Variants in PTH1R observed in about 807,000 individuals in gnomAD.
PTH1R encodes parathyroid hormone 1 receptor.
A neutral mutation model predicts 70.7 loss-of-function variants in PTH1R; 32 were observed. That is an observed-to-expected ratio of 0.45 (90% CI 0.34 to 0.61). PTH1R has a LOEUF of 0.61. PTH1R is among the 20% of genes least tolerant of loss of function. The pLI is 0.01. For synonymous variants in PTH1R, 329 were observed against 324.8 expected (o/e 1.01, Z -0.14); for missense variants, 626 against 792.5 (o/e 0.79, Z 2.52).
Position 46,903,313 on chromosome 3 carries a change from C to T in PTH1R, c.1439C>T (p.Ala480Val). 2 of 1,613,550 alleles carry T rather than the reference C, an allele frequency of 1.2e-6. No individual in the cohort carries two copies. The highest frequency in any genetic ancestry group is 1.7e-6 in the Non-Finnish European group (2 of 1,180,030). The change falls in exon 16 of 16, where the codon GCA (alanine) becomes GTA (valine). Residue 480 changes from alanine (A) to valine (V), a missense_variant. Coordinates refer to ENST00000449590, the MANE Select transcript of PTH1R (RefSeq NM_000316.3). The surrounding 1 kb of genome is among the most constrained non-coding windows in gnomAD (Gnocchi z 4.4). ...IKKSWSRWTL[A>V]LDFKRKARSG... is the part of the protein sequence containing the mutation. ...AAATCTTGGAGCCGCTGGACACTGG[C>T]ACTGGACTTCAAGCGAAAGGCACGC...
chr3:46,901,348 G>C lies in PTH1R; in HGVS notation c.1050-66G>C. 1 of 1,538,228 alleles carries C rather than the reference G, an allele frequency of 6.5e-7. No individual in the cohort carries two copies. The highest frequency in any genetic ancestry group is 2.0e-5 in the Admixed American group (1 of 51,000). On this transcript the variant is annotated intron_variant, in intron 11 of 15. Transcript: ENST00000449590. This position sits in a 1 kb window ranked among gnomAD's most constrained non-coding sequence, Gnocchi z 7.3. Reference sequence around the variant, plus strand: ...CTAATGTCAGACCAGACCAAATCTGGGTCTCTGTGGGCAGTCTTAGGATGG... The same window carrying C: ...CTAATGTCAGACCAGACCAAATCTGCGTCTCTGTGGGCAGTCTTAGGATGG...
intron 7 of PTH1R, 38 bp from the exon 8 acceptor site, chr3:46,898,340 C>A: frequency 1.2e-6 from 2 of 1,602,992 alleles, no homozygotes. Context: ...CTCCCTGGGT[C>A]CCAGGGCTCT....
At chr3:46,900,533 C>T (rs778557321) in intron 10 of PTH1R, among the ~76,000 whole-genome samples, 1 of 152,056 alleles carries the variant, frequency 6.6e-6, no homozygotes, top group Non-Finnish European at 1.5e-5. Flanking sequence ...ACTGACACAC[C>T]GAGGTCTCCC....
chr3:46,881,718 G>T (rs933770998), intron 2 of PTH1R, among the ~76,000 whole-genome samples: 14 of 152,042 alleles, frequency 9.2e-5, no homozygotes, highest in Admixed American at 8.5e-4. Context: ...ACGAGGCGAG[G>T]GTGGGGCTGG....
rs1010005972 is a variant in PTH1R at position 46,892,407 on chromosome 3, T to C, written c.76-1500T>C. 6.6e-6 allele frequency among the ~76,000 whole-genome samples: 1 copy of C among 152,146 alleles called. No individual in the cohort carries two copies. ...ACTGACAGGCTGGACAGTCTCCATG[T>C]GAGAACGCGCACGGACGGGCACACA... On this transcript the variant is annotated intron_variant, in intron 3 of 15. Transcript: ENST00000449590. The surrounding 1 kb of genome is among the most constrained non-coding windows in gnomAD (Gnocchi z 5.2).
Position 46,883,186 on chromosome 3 carries a change from C to A in PTH1R, c.-48-326C>A, listed in dbSNP as rs1214910849. The stretch of plus-strand genomic sequence containing the variant: ...AAAGAAAGAAAGAAAGAAAAGGCGG[C>A]GCGGGAGGGGGGCGGGGGGCGGGCC... On this transcript the variant is annotated intron_variant, in intron 2 of 15. Transcript: ENST00000449590. This position sits in a 1 kb window ranked among gnomAD's most constrained non-coding sequence, Gnocchi z 6.4. Among the ~76,000 whole-genome samples the A allele has an allele frequency of 6.7e-6, 1 of 149,106 alleles. No homozygotes were observed. The highest frequency in any genetic ancestry group is 2.5e-5 in the African/African-American group (1 of 40,616).
rs931212400 is a variant in PTH1R at position 46,879,589 on chromosome 3, A to AT, written c.-105-1467dup. Among the ~76,000 whole-genome samples the AT allele has an allele frequency of 6.6e-6, 1 of 152,032 alleles. No homozygotes were observed. Among genetic ancestry groups the AT allele is most frequent in the African/African-American group, 2.4e-5 (1 of 41,376 alleles). On this transcript the variant is annotated intron_variant, in intron 1 of 15. Transcript: ENST00000449590. The surrounding 1 kb of genome is among the most constrained non-coding windows in gnomAD (Gnocchi z 4.7). Reference sequence around the variant, plus strand: ...GAGACCTCGTCTCTACAAAAAAAAAATTTTTTAATTACCCAGGTGTGGTAG... The same window carrying AT: ...GAGACCTCGTCTCTACAAAAAAAAAATTTTTTTAATTACCCAGGTGTGGTAG...
rs2031420085 is a variant in PTH1R, at chr3:46,891,629, G to C, written c.76-2278G>C. 6.6e-6 allele frequency among the ~76,000 whole-genome samples: 1 copy of C among 152,192 alleles called. No homozygotes were observed. Among genetic ancestry groups the C allele is most frequent in the Non-Finnish European group, 1.5e-5 (1 of 68,028 alleles). On this transcript the variant is annotated intron_variant, in intron 3 of 15. Transcript: ENST00000449590. The surrounding 1 kb of genome is among the most constrained non-coding windows in gnomAD (Gnocchi z 4.3). ...GGGGGTAAGACAACAAGATGGCAAA[G>C]GCAGTGTAGATGGTAGTTGTTGGGC...
intron 3 of PTH1R, among the ~76,000 whole-genome samples, chr3:46,885,716 T>G (rs2030976040): frequency 6.6e-6 from 1 of 152,166 alleles, no homozygotes; most frequent in South Asian, 2.1e-4. Flanking sequence ...GCCAGAAGAT[T>G]GGGACTGAAG....
Position 46,891,240 on chromosome 3 carries a change from A to G in PTH1R, c.76-2667A>G, listed in dbSNP as rs1051127946. On this transcript the variant is annotated intron_variant, in intron 3 of 15. Transcript: ENST00000449590. This position sits in a 1 kb window ranked among gnomAD's most constrained non-coding sequence, Gnocchi z 4.3. ...CCTCTCCTGAACATCCCAACTCCAG[A>G]AAAAGGGGTGTGCCTCCTCCTGGCC... is the stretch of plus-strand genomic sequence containing the variant. Among the ~76,000 whole-genome samples the G allele has an allele frequency of 6.6e-6, 1 of 152,222 alleles. No homozygotes were observed.
At position 46,901,516 on chromosome 3, in the gene PTH1R, T is replaced by C. The variant is rs1177818029; in HGVS notation, c.1116+36T>C. 8 of 1,547,140 alleles carry C rather than the reference T, an allele frequency of 5.2e-6. No homozygotes were observed. Among genetic ancestry groups the C allele is most frequent in the Middle Eastern group, 1.7e-4 (1 of 5,956 alleles). Reference sequence around the variant, plus strand: ...GTGGGCTGCTGGCCACAGGGGTGGGTGGGATGTGCGCCTGCGTCCCCTGGA... The same window carrying C: ...GTGGGCTGCTGGCCACAGGGGTGGGCGGGATGTGCGCCTGCGTCCCCTGGA... On this transcript the variant is annotated intron_variant, in intron 12 of 15. Coordinates refer to ENST00000449590, the MANE Select transcript of PTH1R (RefSeq NM_000316.3). The surrounding 1 kb of genome is among the most constrained non-coding windows in gnomAD (Gnocchi z 7.3).
chr3:46,900,402 T>C (rs540652784), intron 10 of PTH1R, among the ~76,000 whole-genome samples: 1 of 152,184 alleles, frequency 6.6e-6, no homozygotes, highest in East Asian at 1.9e-4. Context: ...CCTCCAAGGG[T>C]GTACCAGGCC....
chr3:46,896,457 G>T lies in PTH1R; in HGVS notation c.313+588G>T, dbSNP rs2031763242. 2.0e-5 allele frequency among the ~76,000 whole-genome samples: 3 copies of T among 152,222 alleles called. No individual in the cohort carries two copies. Among genetic ancestry groups the T allele is most frequent in the Admixed American group, 2.0e-4 (3 of 15,284 alleles). ...GAAGGGAGGGAAGCAGATGAGGAAA[G>T]GCAGACAGAGCCCAGGCTTTGGCCA... On this transcript the variant is annotated intron_variant, in intron 5 of 15. Transcript: ENST00000449590. The surrounding 1 kb of genome is among the most constrained non-coding windows in gnomAD (Gnocchi z 4.1).
chr3:46,889,767 G>T (rs1247021836), intron 3 of PTH1R, among the ~76,000 whole-genome samples: 4 of 152,112 alleles, frequency 2.6e-5, no homozygotes, highest in Non-Finnish European at 5.9e-5. Context: ...GTAAGTGGTG[G>T]GTATGGACTA....
Position 46,898,654 on chromosome 3 carries a change from C to T in PTH1R, c.639-8C>T, listed in dbSNP as rs1182911473. Reference sequence around the variant, plus strand: ...CCCCCACCCACGGTCATGTCGCGCGCCCCGCAGGCGGCTGCACTGCACGCG... The same window carrying T: ...CCCCCACCCACGGTCATGTCGCGCGTCCCGCAGGCGGCTGCACTGCACGCG... On this transcript the variant is annotated splice_polypyrimidine_tract_variant and splice_region_variant and intron_variant, in intron 8 of 15. Transcript: ENST00000449590. 6.2e-7 allele frequency: 1 copy of T among 1,611,536 alleles called. No individual in the cohort carries two copies. The highest frequency in any genetic ancestry group is 1.1e-5 in the South Asian group (1 of 91,076).
chr3:46,889,103 C>G (rs527726653), intron 3 of PTH1R, among the ~76,000 whole-genome samples: 1 of 152,268 alleles, frequency 6.6e-6, no homozygotes, highest in South Asian at 2.1e-4. Flanking sequence ...CAGCATGGGT[C>G]CCAGTAGTAG....
chr3:46,886,506 C>T (rs375827371), intron 3 of PTH1R, among the ~76,000 whole-genome samples: 15 of 152,218 alleles, frequency 9.9e-5, no homozygotes, highest in African/African-American at 3.1e-4. Flanking sequence ...TACAGGCGCC[C>T]GCCACCATGC....
chr3:46,898,593 A>C, intron 8 of PTH1R, 69 bp from the exon 9 acceptor site: 1 of 1,603,696 alleles, frequency 6.2e-7, no homozygotes, highest in Non-Finnish European at 8.5e-7. Flanking sequence ...ACGGCGCACA[A>C]CCCAGCTTCC....
In PTH1R at chr3:46,895,723, TG is replaced by T; in HGVS notation, c.179-10del. On this transcript the variant is annotated splice_polypyrimidine_tract_variant and intron_variant, in intron 4 of 15. Transcript: ENST00000449590. ...CAGCTGACAGCCATCATTACCACCC[TG>T]GTTTCTCCAGCCAGCATAATGGAAT... 1 of 1,614,040 alleles carries T rather than the reference TG, an allele frequency of 6.2e-7. No homozygotes were observed. The highest frequency in any genetic ancestry group is 8.5e-7 in the Non-Finnish European group (1 of 1,179,978).
Sources: gnomAD v4.1 joint callset for allele counts (sites outside exome capture counted in the v4.1 genomes callset) on GRCh38, gnomAD v4.1.1 for gene constraint, Gnocchi (gnomAD v3.1) non-coding constraint, MANE v1.5 for transcripts, NCBI Gene and HGNC (gene_info 2026-07-23, HGNC 2026-07-21) for gene names.